The following GRIP2 variants were observed in gnomAD, a reference collection of about 807,000 sequenced individuals.
The protein encoded by GRIP2 is glutamate receptor interacting protein 2, also known as glutamate receptor-interacting protein 2.
Under a neutral mutation model 108.3 loss-of-function variants are expected in GRIP2, and 58 were observed. The ratio of observed to expected loss-of-function variants is 0.54; its 90% CI spans 0.43 to 0.67. The LOEUF (loss-of-function observed/expected upper bound fraction) is 0.67, where lower values mean the gene tolerates loss of function less well. GRIP2 is among the 30% of genes least tolerant of loss of function. The probability of loss-of-function intolerance (pLI) is 0.00; values close to 1 mark genes in which losing one functional copy is unlikely to be tolerated. For synonymous variants in GRIP2, 586 were observed against 598.2 expected (o/e 0.98, Z 0.30); for missense variants, 1,278 against 1,430.6 (o/e 0.89, Z 1.72).
chr3:14,565,839 C>T, the GRIP2 span, among the ~76,000 whole-genome samples: 554 of 152,316 alleles, frequency 3.6e-3, 1 homozygote, highest in African/African-American at 0.013. Context: ...GAGCTTGTCC[C>T]GGCCACCTCG....
At chr3:14,541,844 A>C (rs1378036137), upstream of GRIP2, 1 of 1,297,530 alleles carries the variant, frequency 7.7e-7, no homozygotes, top group Non-Finnish European at 1.0e-6. Flanking sequence ...TGGACGACTC[A>C]AATCATGCAG....
chr3:14,530,832 T>C (rs539589282), intron 1 of GRIP2: 11 of 152,364 alleles, frequency 7.2e-5, no homozygotes, highest in African/African-American at 2.6e-4. Context: ...GGGGTATCCA[T>C]CACCTCAAGC....
chr3:14,559,274 T>C (rs1166758872), upstream of GRIP2, among the ~76,000 whole-genome samples: 1 of 152,128 alleles, frequency 6.6e-6, no homozygotes. Context: ...TATCTTAAGA[T>C]TGGTCTTGCA....
the GRIP2 span, among the ~76,000 whole-genome samples, chr3:14,572,342 G>A: frequency 1.3e-5 from 2 of 151,886 alleles, no homozygotes; most frequent in African/African-American, 4.8e-5. Context: ...GGCCGGGCGT[G>A]GTGGCTCACG....
At chr3:14,569,489 T>C in the GRIP2 span, among the ~76,000 whole-genome samples, 1 of 152,136 alleles carries the variant, frequency 6.6e-6, no homozygotes, top group Non-Finnish European at 1.5e-5. Context: ...GCTTGGCCAA[T>C]CAGGATTGCC....
the GRIP2 span, among the ~76,000 whole-genome samples, chr3:14,569,793 A>G: frequency 6.6e-6 from 1 of 152,130 alleles, no homozygotes; most frequent in Non-Finnish European, 1.5e-5. Flanking sequence ...GTGAGGATGC[A>G]TTTTTAACTT....
chr3:14,552,672 A>G (rs1695170584), intron 1 of GRIP2, among the ~76,000 whole-genome samples: 1 of 145,628 alleles, frequency 6.9e-6, no homozygotes, highest in Non-Finnish European at 1.5e-5. Flanking sequence ...GGCTCACTGC[A>G]ACCACCGCCT....
At chr3:14,503,883 G>C (rs984277497) in intron 20 of GRIP2, 4 of 578,272 alleles carry the variant, frequency 6.9e-6, no homozygotes, top group African/African-American at 1.9e-5. Flanking sequence ...AGTTAGGGGC[G>C]ACCAGGACTG....
At chr3:14,571,777 G>A in the GRIP2 span, among the ~76,000 whole-genome samples, 2 of 152,114 alleles carry the variant, frequency 1.3e-5, no homozygotes. Context: ...ACCTGGGCAG[G>A]GTCCCAGGAT....
Position 14,509,866 on chromosome 3 carries a change from CA to C in GRIP2, c.2031del (p.Phe677LeufsTer40), listed in dbSNP as rs868860689. On this transcript the variant is annotated frameshift_variant, in exon 17 of 24. Coordinates refer to ENST00000621039, the MANE Select transcript of GRIP2 (RefSeq NM_001080423.4). LOFTEE classifies it high-confidence loss of function. The part of the protein sequence containing the change: ...GITISGTEEP[F>X]DPIVISGLTK... ...GTGAGGCCTGAGATGACAATGGGGTCAAAAGGTTCCTCCGTGCCCGAAATGG... is the reference window on the plus strand; with the variant it reads ...GTGAGGCCTGAGATGACAATGGGGTCAAAGGTTCCTCCGTGCCCGAAATGG... 6.5e-7 allele frequency: 1 copy of C among 1,542,002 alleles called. No individual in the cohort carries two copies. The highest frequency in any genetic ancestry group is 8.8e-7 in the Non-Finnish European group (1 of 1,142,448).
intron 11 of GRIP2, among the ~76,000 whole-genome samples, chr3:14,515,433 TG>T (rs1464369098): frequency 5.9e-5 from 9 of 152,166 alleles, no homozygotes; most frequent in Admixed American, 5.9e-4. Context: ...TAATAAATAT[TG>T]TTTTACATTC....
upstream of GRIP2, among the ~76,000 whole-genome samples, chr3:14,559,885 A>C (rs144176442): frequency 2.0e-5 from 3 of 152,328 alleles, no homozygotes; most frequent in East Asian, 5.8e-4. Context: ...ATGAGTCCAC[A>C]TAACTCCAGC....
chr3:14,593,592 C>T, the GRIP2 span, among the ~76,000 whole-genome samples: 5 of 152,204 alleles, frequency 3.3e-5, no homozygotes, highest in African/African-American at 1.2e-4. Context: ...AAACCACCAA[C>T]GATGCCACCC....
the GRIP2 span, among the ~76,000 whole-genome samples, chr3:14,592,364 G>T: frequency 2.0e-5 from 3 of 152,210 alleles, no homozygotes; most frequent in Non-Finnish European, 4.4e-5. Context: ...CCCCGAGGCC[G>T]AGTCTCCTGC....
intron 13 of GRIP2, among the ~76,000 whole-genome samples, chr3:14,513,364 T>C (rs1327046247): frequency 2.0e-5 from 3 of 152,212 alleles, no homozygotes; most frequent in Non-Finnish European, 4.4e-5. Context: ...AGCAGAATTC[T>C]GACCCAAACT....
Position 14,507,673 on chromosome 3 carries a change from G to A in GRIP2, c.2106C>T (p.Arg702=), listed in dbSNP as rs1036993331. 3.1e-6 allele frequency: 5 copies of A among 1,613,872 alleles called. No homozygotes were observed. In the African/African-American group the frequency reaches 5.3e-5, roughly 17 times the overall value. The change falls in exon 18 of 24, where the codon CGC becomes CGT. Residue 702 remains arginine, a synonymous_variant. Coordinates refer to ENST00000621039, the MANE Select transcript of GRIP2 (RefSeq NM_001080423.4). The surrounding 1 kb of genome is among the most constrained non-coding windows in gnomAD (Gnocchi z 4.6). ...GGCTAACGTTGTTGATGGCCAGAAT[G>A]CGGTCCCCCACGTGGATGGCACCAG... The part of the protein sequence containing the change: ...ERTGAIHVGD[R]ILAINNVSLK...
At chr3:14,513,483 G>A (rs541171677) in intron 13 of GRIP2, among the ~76,000 whole-genome samples, 182 bp downstream of exon 13, 2 of 152,336 alleles carry the variant, frequency 1.3e-5, no homozygotes, top group Non-Finnish European at 2.9e-5. Context: ...GTCTCCTGGT[G>A]TGGAAACTTC....
Position 14,505,910 on chromosome 3 carries a change from T to A in GRIP2, c.2399-121A>T. On this transcript the variant is annotated intron_variant, in intron 19 of 23. Coordinates refer to ENST00000621039, the MANE Select transcript of GRIP2 (RefSeq NM_001080423.4). The surrounding 1 kb of genome is among the most constrained non-coding windows in gnomAD (Gnocchi z 4.2). ...CGTTGCTCCTCTCTGGGCCTGCATC[T>A]ACACAGCCCTCTGAGGGCCTCTGCC... 1 of 869,304 alleles carries A rather than the reference T, an allele frequency of 1.2e-6. No individual in the cohort carries two copies. The highest frequency in any genetic ancestry group is 1.7e-6 in the Non-Finnish European group (1 of 594,976). 53.8% of individuals were successfully genotyped at this position (869,304 alleles called of 1,614,324 possible).
chr3:14,559,782 G>C (rs73815607), upstream of GRIP2, among the ~76,000 whole-genome samples: 1 of 152,196 alleles, frequency 6.6e-6, no homozygotes, highest in Non-Finnish European at 1.5e-5. Flanking sequence ...ACTCCTGGCA[G>C]AGACAGACGC....
Sources: gnomAD v4.1 joint callset for allele counts (sites outside exome capture counted in the v4.1 genomes callset) on GRCh38, gnomAD v4.1.1 for gene constraint, Gnocchi (gnomAD v3.1) non-coding constraint, MANE v1.5 for transcripts, NCBI Gene and HGNC (gene_info 2026-07-23, HGNC 2026-07-21) for gene names.